The following SPPL3 variants were observed in gnomAD, a reference collection of about 807,000 sequenced individuals.
The protein encoded by SPPL3 is signal peptide peptidase-like 3.
In SPPL3, 5 loss-of-function variants were observed where a neutral mutation model predicts 42.4. The ratio of observed to expected loss-of-function variants is 0.12; its 90% CI spans 0.06 to 0.25. The LOEUF (loss-of-function observed/expected upper bound fraction) is 0.25. Among genes scored for constraint, SPPL3 ranks in the 10% least tolerant of loss-of-function variants. The pLI, the probability that SPPL3 is intolerant of heterozygous loss-of-function variation, is 1.00. For synonymous variants in SPPL3, 195 were observed against 181.8 expected (o/e 1.07, Z -0.58); for missense variants, 235 against 489.0 (o/e 0.48, Z 4.90).
At chr12:120,775,600 T>C (rs1040434812) in intron 6 of SPPL3, among the ~76,000 whole-genome samples, 15 of 152,216 alleles carry the variant, frequency 9.9e-5, no homozygotes, top group African/African-American at 3.4e-4. Context: ...AGGCAGGGGA[T>C]AGACTGTAAA....
Position 120,769,428 on chromosome 12 carries a change from C to A in SPPL3, c.503-369G>T, listed in dbSNP as rs1321974401. The stretch of plus-strand genomic sequence containing the variant: ...CCTAGATAGCACCCCCTTTCATTCA[C>A]TGGAGGCATCATCCCAGCAATTCAT... On this transcript the variant is annotated intron_variant, in intron 6 of 10. Transcript: ENST00000353487. 3.4e-5 allele frequency: 6 copies of A among 176,022 alleles called. No homozygotes were observed. In the East Asian group the frequency reaches 7.6e-4, roughly 22 times the overall value. 10.9% of individuals were successfully genotyped at this position (176,022 alleles called of 1,614,324 possible).
Position 120,764,609 on chromosome 12 carries a change from T to G in SPPL3, c.*390A>C. Reference sequence around the variant, plus strand: ...CGAGGGGTCATTGAAGAAACTTCGGTTTGCTAATTTTTTTCATCCTTTTAG... The same window carrying G: ...CGAGGGGTCATTGAAGAAACTTCGGGTTGCTAATTTTTTTCATCCTTTTAG... On this transcript the variant is annotated 3_prime_UTR_variant, in exon 11 of 11. Coordinates refer to ENST00000353487, the MANE Select transcript of SPPL3 (RefSeq NM_139015.5). The G allele has an allele frequency of 2.8e-6, 1 of 352,772 alleles. No homozygotes were observed. The highest frequency in any genetic ancestry group is 4.2e-5 in the East Asian group (1 of 23,884). The allele number at this position is 352,772 out of a possible 1,614,324, so 21.9% of individuals were successfully genotyped here. A position where few individuals can be genotyped will look rare whatever the true frequency, so the allele number is the denominator to read the frequency against.
intron 1 of SPPL3, among the ~76,000 whole-genome samples, chr12:120,882,520 T>C (rs1006129416): frequency 1.3e-5 from 2 of 152,092 alleles, no homozygotes; most frequent in African/African-American, 4.8e-5. Context: ...GAAAACTGGT[T>C]ATAAGCTTTC....
chr12:120,827,036 G>T (rs1048457155), intron 1 of SPPL3, among the ~76,000 whole-genome samples: 1 of 151,962 alleles, frequency 6.6e-6, no homozygotes. Context: ...TACCAACCCC[G>T]AGAATGTTTT....
chr12:120,846,469 C>T (rs967542623), intron 1 of SPPL3, among the ~76,000 whole-genome samples: 6 of 152,138 alleles, frequency 3.9e-5, no homozygotes, highest in African/African-American at 1.4e-4. Context: ...GGTTTACTTG[C>T]ATAGCTGCTA....
At position 120,784,559 on chromosome 12, in the gene SPPL3, G is replaced by T; in HGVS notation, c.225C>A (p.Phe75Leu). ...IQTIDSTQALFLPIGASVSLL... is the reference protein window; with the variant it reads ...IQTIDSTQALLLPIGASVSLL... ...GAGAGACAGATGCTCCAATTGGAAG[G>T]AACAGAGCCTGGGTAGAGTCAATTG... Residue 75 changes from phenylalanine to leucine, a missense_variant, in exon 4 of 11, where the codon TTC becomes TTA. Physicochemically the swap from Phe to Leu is conservative, Grantham distance 22. Around this residue, in one of 6 missense-constraint regions of SPPL3, gnomAD observed 110 missense variants for 186.2 expected, o/e 0.59. Transcript: ENST00000353487. The T allele has an allele frequency of 6.2e-7, 1 of 1,612,658 alleles. No homozygotes were observed. Among genetic ancestry groups the T allele is most frequent in the South Asian group, 1.1e-5 (1 of 90,776 alleles).
intron 9 of SPPL3, among the ~76,000 whole-genome samples, chr12:120,767,151 G>C (rs1352731103): frequency 1.3e-5 from 2 of 152,224 alleles, no homozygotes; most frequent in Non-Finnish European, 2.9e-5. Flanking sequence ...TGTGCTGTGT[G>C]TCCTTGGCTT....
At chr12:120,886,980 AT>A (rs35067916) in intron 1 of SPPL3, among the ~76,000 whole-genome samples, 262 of 147,662 alleles carry the variant, frequency 1.8e-3, no homozygotes, top group African/African-American at 4.7e-3. Flanking sequence ...TGATATAATA[AT>A]TTTTTTTTTT....
At chr12:120,782,592 T>C in intron 6 of SPPL3, 63 bp downstream of exon 6, 1 of 1,257,908 alleles carries the variant, frequency 7.9e-7, no homozygotes, top group South Asian at 1.3e-5. Context: ...TCTGTGAATA[T>C]CCTAAAGTAT....
intron 6 of SPPL3, among the ~76,000 whole-genome samples, chr12:120,772,437 G>A (rs1869158464): frequency 6.6e-6 from 1 of 151,812 alleles, no homozygotes; most frequent in African/African-American, 2.4e-5. Flanking sequence ...TGTGCTAGCT[G>A]ACCACGTGCT....
chr12:120,778,787 C>T (rs377474667), intron 6 of SPPL3, among the ~76,000 whole-genome samples: 16 of 151,862 alleles, frequency 1.1e-4, no homozygotes, highest in African/African-American at 2.9e-4. Flanking sequence ...AAGTCACTTA[C>T]GAAGAAAAAA....
intron 1 of SPPL3, among the ~76,000 whole-genome samples, chr12:120,876,751 C>A (rs928552036): frequency 6.7e-6 from 1 of 150,338 alleles, no homozygotes; most frequent in Non-Finnish European, 1.5e-5. Flanking sequence ...AATACCTATA[C>A]TGGAAAAAAA....
rs551801670 is a variant in SPPL3, at chr12:120,837,411, G to A, written c.24-26525C>T. ...TATAACTGGCAGCATTTTTTTATTGGTGGCACAAAAATAATGTTAAATCAA... is the reference window on the plus strand; with the variant it reads ...TATAACTGGCAGCATTTTTTTATTGATGGCACAAAAATAATGTTAAATCAA... On this transcript the variant is annotated intron_variant, in intron 1 of 10. Transcript: ENST00000353487. Among the ~76,000 whole-genome samples, 351 of 152,238 alleles carry A rather than the reference G, an allele frequency of 2.3e-3. 1 individual carries two copies. The highest frequency in any genetic ancestry group is 3.9e-3 in the Admixed American group (59 of 15,296).
chr12:120,791,289 T>G (rs1208778725), intron 3 of SPPL3, among the ~76,000 whole-genome samples, 180 bp downstream of exon 3: 1 of 152,220 alleles, frequency 6.6e-6, no homozygotes, highest in African/African-American at 2.4e-5. Context: ...TCAAACATTT[T>G]TATTAACGTT....
Position 120,781,555 on chromosome 12 carries a change from G to GTGTTT in SPPL3, c.502+1099_502+1100insAAACA, listed in dbSNP as rs1869541007. On this transcript the variant is annotated intron_variant, in intron 6 of 10. Coordinates refer to ENST00000353487, the MANE Select transcript of SPPL3 (RefSeq NM_139015.5). ...TCTAATCCCATCTCCTTATTGTTAC[G>GTGTTT]TTTTTTTTTTTTTTTTTTTTTTTTT... 1.1e-3 allele frequency among the ~76,000 whole-genome samples: 72 copies of GTGTTT among 63,012 alleles called. 8 individuals carry two copies. The highest frequency in any genetic ancestry group is 2.7e-3 in the African/African-American group (40 of 14,644). The allele number at this position is 63,012 out of a possible 152,430, so 41.3% of individuals were successfully genotyped here. A position where few individuals can be genotyped will look rare whatever the true frequency, so the allele number is the denominator to read the frequency against.
intron 1 of SPPL3, 48 bp downstream of exon 1, chr12:120,903,797 C>A: frequency 1.4e-6 from 2 of 1,434,024 alleles, no homozygotes; most frequent in Non-Finnish European, 9.1e-7. Context: ...GCCGGCGCCC[C>A]GACCCCCACC....
At chr12:120,790,199 C>G (rs1256657610) in intron 3 of SPPL3, among the ~76,000 whole-genome samples, 1 of 152,174 alleles carries the variant, frequency 6.6e-6, no homozygotes, top group Non-Finnish European at 1.5e-5. Context: ...AATTTTATAT[C>G]ATACAAGGAT....
intron 2 of SPPL3, among the ~76,000 whole-genome samples, chr12:120,792,480 T>A (rs142035563): frequency 0.01 from 1,533 of 152,170 alleles, 9 homozygotes; most frequent in Non-Finnish European, 0.016. Flanking sequence ...GGCGGGCAGA[T>A]CACGAGGTCA....
chr12:120,779,968 A>T (rs11065263), intron 6 of SPPL3, among the ~76,000 whole-genome samples: 1,525 of 151,228 alleles, frequency 0.01, 12 homozygotes, highest in Non-Finnish European at 0.018. Context: ...ACTGCACTCC[A>T]GCCTGGGCAA....
Sources: gnomAD v4.1 joint callset for allele counts (sites outside exome capture counted in the v4.1 genomes callset) on GRCh38, gnomAD v4.1.1 for gene constraint, gnomAD v4.1.1 regional missense constraint, MANE v1.5 for transcripts, NCBI Gene and HGNC (gene_info 2026-07-23, HGNC 2026-07-21) for gene names.